ARMC9: variants seen among roughly 807,000 people sequenced by gnomAD.
The protein encoded by ARMC9 is lisH domain-containing protein ARMC9.
Under a neutral mutation model 107.0 loss-of-function variants are expected in ARMC9, and 94 were observed. The observed-to-expected ratio is 0.88, with a 90% confidence interval of 0.74 to 1.04. The LOEUF (loss-of-function observed/expected upper bound fraction) is 1.04. Ranked by LOEUF, ARMC9 falls within the 50% of genes least tolerant of loss-of-function variation. The pLI is 0.00. For missense variants in ARMC9, 942 were observed against 1,030.1 expected (o/e 0.91, Z 1.17); for synonymous variants, 380 against 396.9 (o/e 0.96, Z 0.51).
chr2:231,240,707 C>T (rs77240236), intron 9 of ARMC9, among the ~76,000 whole-genome samples: 5,065 of 152,212 alleles, frequency 0.033, 120 homozygotes, highest in Non-Finnish European at 0.055. Flanking sequence ...TCTTATCTAC[C>T]GTCCATTTTC....
intron 16 of ARMC9, among the ~76,000 whole-genome samples, 200 bp from the exon 17 acceptor site, chr2:231,281,859 C>A (rs2040240308): frequency 6.6e-6 from 1 of 152,140 alleles, no homozygotes; most frequent in Non-Finnish European, 1.5e-5. Context: ...TGGTTTTAGA[C>A]TCAGTGGTAG....
At chr2:231,274,916 C>CA (rs2125440419) in intron 14 of ARMC9, among the ~76,000 whole-genome samples, 1 of 152,320 alleles carries the variant, frequency 6.6e-6, no homozygotes, top group South Asian at 2.1e-4. Flanking sequence ...TCAGAGCATA[C>CA]AAACACTTCA....
intron 14 of ARMC9, among the ~76,000 whole-genome samples, chr2:231,276,142 C>G (rs2039728961): frequency 6.6e-6 from 1 of 152,086 alleles, no homozygotes; most frequent in South Asian, 2.1e-4. Flanking sequence ...TTATTTAAAC[C>G]CTTAATAAAT....
At chr2:231,210,499 A>T (rs2032668593) in intron 3 of ARMC9, among the ~76,000 whole-genome samples, 1 of 152,222 alleles carries the variant, frequency 6.6e-6, no homozygotes, top group African/African-American at 2.4e-5. Context: ...CTCTTAATTA[A>T]AGCTACCATT....
At chr2:231,311,037 A>G (rs2042316498) in intron 19 of ARMC9, among the ~76,000 whole-genome samples, 1 of 151,944 alleles carries the variant, frequency 6.6e-6, no homozygotes, top group African/African-American at 2.4e-5. Context: ...TGAGATGGGA[A>G]GATCGCTTGA....
chr2:231,302,433 G>GTTTTTTTTTTTTTTTTTTTTTTT lies in ARMC9; in HGVS notation c.1773+6183_1773+6184insTTTTTTTTTTTTTTTTTTTTTTT, dbSNP rs1322418026. 3.1e-4 allele frequency among the ~76,000 whole-genome samples: 30 copies of GTTTTTTTTTTTTTTTTTTTTTTT among 96,438 alleles called. 3 individuals are homozygous for GTTTTTTTTTTTTTTTTTTTTTTT. Among genetic ancestry groups the GTTTTTTTTTTTTTTTTTTTTTTT allele is most frequent in the Non-Finnish European group, 4.6e-4 (22 of 47,820 alleles). 63.3% of individuals were successfully genotyped at this position (96,438 alleles called of 152,430 possible). A position where few individuals can be genotyped will look rare whatever the true frequency, so the allele number is the denominator to read the frequency against. ...TTTATGAAAAAGTGTAGCATTGTGG[G>GTTTTTTTTTTTTTTTTTTTTTTT]TTTGTTTTTTTTTTTTTTTTTTTTT... On this transcript the variant is annotated intron_variant, in intron 19 of 24. Transcript: ENST00000611582.
At chr2:231,200,062 T>C (rs2030573556) in intron 1 of ARMC9, among the ~76,000 whole-genome samples, 1 of 152,146 alleles carries the variant, frequency 6.6e-6, no homozygotes, top group Non-Finnish European at 1.5e-5. Flanking sequence ...TCAATGACAG[T>C]TGATCACAGC....
At chr2:231,236,421 C>A (rs1466569915) in intron 8 of ARMC9, among the ~76,000 whole-genome samples, 2 of 152,060 alleles carry the variant, frequency 1.3e-5, no homozygotes, top group Admixed American at 6.6e-5. Flanking sequence ...ATTCCTGACT[C>A]TATAAAGTAC....
chr2:231,246,136 A>G (rs1471111835), intron 9 of ARMC9, among the ~76,000 whole-genome samples: 1 of 152,188 alleles, frequency 6.6e-6, no homozygotes, highest in Non-Finnish European at 1.5e-5. Flanking sequence ...CCCATTTGAG[A>G]ATTAATGCTC....
chr2:231,224,452 C>CA (rs1358495364), intron 6 of ARMC9, among the ~76,000 whole-genome samples: 2 of 151,360 alleles, frequency 1.3e-5, no homozygotes, highest in African/African-American at 2.4e-5. Context: ...GACCCTGTCT[C>CA]AAAAAAATAA....
intron 22 of ARMC9, among the ~76,000 whole-genome samples, chr2:231,359,530 C>A (rs944347864): frequency 2.6e-5 from 4 of 152,120 alleles, no homozygotes; most frequent in Non-Finnish European, 4.4e-5. Context: ...TTTATGACCA[C>A]CCCGTCCCCT....
chr2:231,358,537 C>G lies in ARMC9; in HGVS notation c.2132-2217C>G, dbSNP rs1444065532. 6.6e-6 allele frequency among the ~76,000 whole-genome samples: 1 copy of G among 152,184 alleles called. No homozygotes were observed. Among genetic ancestry groups the G allele is most frequent in the African/African-American group, 2.4e-5 (1 of 41,446 alleles). On this transcript the variant is annotated intron_variant, in intron 22 of 24. Transcript: ENST00000611582. This position sits in a 1 kb window ranked among gnomAD's most constrained non-coding sequence, Gnocchi z 4.5. ...TCACCTTGCCCCAGGCCCATCCTGG[C>G]CCCAGGCAGCGCTCCCCACAGGTCT...
At chr2:231,199,315 C>T (rs952434457) in intron 1 of ARMC9, among the ~76,000 whole-genome samples, 1 of 152,244 alleles carries the variant, frequency 6.6e-6, no homozygotes, top group African/African-American at 2.4e-5. Context: ...GTGTAAAAGT[C>T]ACTCAGGGAG....
chr2:231,344,889 A>G, intron 20 of ARMC9, 86 bp from the exon 21 acceptor site: 6 of 1,211,122 alleles, frequency 5.0e-6, no homozygotes, highest in Non-Finnish European at 7.3e-6. Flanking sequence ...ATTATAGAGT[A>G]GTTTATTCAG....
At chr2:231,333,572 G>A (rs1302357276) in intron 20 of ARMC9, among the ~76,000 whole-genome samples, 3 of 152,212 alleles carry the variant, frequency 2.0e-5, no homozygotes, top group Non-Finnish European at 4.4e-5. Flanking sequence ...AGTTGTTGAT[G>A]GAAGCCTAAG....
chr2:231,368,918 C>T (rs368169001), intron 23 of ARMC9, among the ~76,000 whole-genome samples: 91 of 152,234 alleles, frequency 6.0e-4, no homozygotes, highest in South Asian at 4.6e-3. Flanking sequence ...CCACCGCGCC[C>T]GGCCTATTTT....
chr2:231,265,040 G>A (rs2038730384), intron 12 of ARMC9, among the ~76,000 whole-genome samples: 1 of 152,078 alleles, frequency 6.6e-6, no homozygotes, highest in African/African-American at 2.4e-5. Context: ...GGAGGTTGCA[G>A]TGAGCAGAGA....
chr2:231,357,048 T>C (rs2045371181), intron 22 of ARMC9, among the ~76,000 whole-genome samples: 1 of 152,164 alleles, frequency 6.6e-6, no homozygotes, highest in Non-Finnish European at 1.5e-5. Flanking sequence ...GAAGCTGTCA[T>C]GCTGTTACCT....
chr2:231,345,858 T>C (rs1669087), intron 21 of ARMC9, among the ~76,000 whole-genome samples: 11,622 of 152,312 alleles, frequency 0.076, 522 homozygotes, highest in Middle Eastern at 0.13. Flanking sequence ...CTGGGCACTT[T>C]ATTTTTTCCA....
Sources: gnomAD v4.1 joint callset for allele counts (sites outside exome capture counted in the v4.1 genomes callset) on GRCh38, gnomAD v4.1.1 for gene constraint, Gnocchi (gnomAD v3.1) non-coding constraint, MANE v1.5 for transcripts, NCBI Gene and HGNC (gene_info 2026-07-23, HGNC 2026-07-21) for gene names.